The following RANBP2 variants were observed in gnomAD, a reference collection of about 807,000 sequenced individuals.
The protein encoded by RANBP2 is RAN binding protein 2, also known as E3 SUMO-protein ligase RanBP2.
RANBP2 carries 57 observed loss-of-function variants against 303.6 expected under a neutral mutation model. That is an observed-to-expected ratio of 0.19 (90% CI 0.15 to 0.23). RANBP2 has a LOEUF of 0.23. RANBP2 is among the 10% of genes least tolerant of loss of function. RANBP2 has a pLI of 1.00. For synonymous variants in RANBP2, 1,167 were observed against 1,301.5 expected (o/e 0.90, Z 2.23); for missense variants, 3,138 against 3,780.8 (o/e 0.83, Z 4.46).
the RANBP2 span, among the ~76,000 whole-genome samples, chr2:109,092,847 A>G: frequency 6.6e-6 from 1 of 152,168 alleles, no homozygotes; most frequent in Non-Finnish European, 1.5e-5. Context: ...TGTGCTAAGA[A>G]TTTGTCTTTC....
At chr2:109,059,909 G>A in the RANBP2 span, among the ~76,000 whole-genome samples, 212 of 152,262 alleles carry the variant, frequency 1.4e-3, 1 homozygote, top group African/African-American at 4.3e-3. Context: ...TGCCTCACAG[G>A]CCTGAGTGTG....
chr2:108,794,922 G>A, the RANBP2 span, among the ~76,000 whole-genome samples: 121 of 152,142 alleles, frequency 8.0e-4, no homozygotes, highest in African/African-American at 2.7e-3. Flanking sequence ...AGACAGTGGC[G>A]TTTTTATTTG....
In RANBP2 at chr2:108,772,560, C is replaced by A; in HGVS notation, c.8092C>A (p.Pro2698Thr). The A allele has an allele frequency of 2.5e-6, 4 of 1,613,588 alleles. No individual in the cohort carries two copies. Among genetic ancestry groups the A allele is most frequent in the East Asian group, 2.2e-5 (1 of 44,806 alleles). Residue 2698 changes from proline (P) to threonine (T), a missense_variant, in exon 22 of 29, where the codon CCC becomes ACC. Pro to Thr is a conservative substitution (Grantham distance 38). Coordinates refer to ENST00000283195, the MANE Select transcript of RANBP2 (RefSeq NM_006267.5). ...TTTGGATGGCTCAGAAAAATGTAGA[C>A]CCTTGGAAGAAAATACAGCAGGTAT... is the stretch of plus-strand genomic sequence containing the variant. ...LYLDGSEKCR[P>T]LEENTADNEK... is the part of the protein sequence containing the mutation.
the RANBP2 span, among the ~76,000 whole-genome samples, chr2:109,140,495 C>T: frequency 7.2e-5 from 11 of 152,078 alleles, no homozygotes; most frequent in Admixed American, 2.0e-4. Context: ...ATTCTCCTGT[C>T]TCAGCCTCCC....
rs201669692 is a variant in RANBP2, at chr2:108,782,882, T to C, written c.9369+20T>C. The C allele has an allele frequency of 2.0e-5, 32 of 1,588,884 alleles. No homozygotes were observed. The highest frequency in any genetic ancestry group is 2.0e-4 in the Admixed American group (12 of 59,978). On this transcript the variant is annotated intron_variant, in intron 28 of 28. Coordinates refer to ENST00000283195, the MANE Select transcript of RANBP2 (RefSeq NM_006267.5). ...TGCCAAGTAGGTATTATTAAGTACA[T>C]ACCACAATTGAGGTCTTGAAGAGTG...
chr2:109,733,700 C>T, the RANBP2 span, among the ~76,000 whole-genome samples: 43 of 151,612 alleles, frequency 2.8e-4, no homozygotes, highest in East Asian at 7.2e-3. Context: ...AAAAAATACA[C>T]GAAAAAACAA....
chr2:109,170,543 A>T, the RANBP2 span, among the ~76,000 whole-genome samples: 1 of 151,828 alleles, frequency 6.6e-6, no homozygotes, highest in Non-Finnish European at 1.5e-5. Flanking sequence ...ATGGGGTTTC[A>T]CTATGTTGGC....
At chr2:109,543,952 T>C in the RANBP2 span, 4 of 568,734 alleles carry the variant, frequency 7.0e-6, no homozygotes, top group African/African-American at 5.7e-5. Context: ...AAGTAATTTA[T>C]ACAAAAATTT....
chr2:108,908,536 C>T, the RANBP2 span, among the ~76,000 whole-genome samples: 9 of 152,052 alleles, frequency 5.9e-5, no homozygotes, highest in South Asian at 1.5e-3. Flanking sequence ...AGGGGGGTGA[C>T]CTGGCTGACC....
chr2:109,116,541 T>C, the RANBP2 span, among the ~76,000 whole-genome samples: 6 of 152,234 alleles, frequency 3.9e-5, no homozygotes, highest in Non-Finnish European at 7.3e-5. Flanking sequence ...TCTAAATTTT[T>C]TTCAAAGTTT....
the RANBP2 span, among the ~76,000 whole-genome samples, chr2:109,030,466 C>T: frequency 1.3e-5 from 2 of 152,144 alleles, no homozygotes; most frequent in Non-Finnish European, 2.9e-5. Context: ...ATAGTAGCAC[C>T]TAGCACAGTG....
Position 108,758,492 on chromosome 2 carries a change from A to G in RANBP2, c.2546A>G (p.Asp849Gly), listed in dbSNP as rs1182742287. The G allele has an allele frequency of 1.9e-6, 3 of 1,611,308 alleles. No homozygotes were observed. The highest frequency in any genetic ancestry group is 1.1e-5 in the South Asian group (1 of 90,950). ...TGGCCCACAGAGAATTATGGACCAG[A>G]CTCAGTGCCTGATGGATATCAGGGG... Reference protein sequence around the residue: ...HRWPTENYGPDSVPDGYQGSQ... With the variant: ...HRWPTENYGPGSVPDGYQGSQ... The change falls in exon 18 of 29, where the codon GAC becomes GGC. Residue 849 changes from aspartate (D) to glycine (G), a missense_variant. By Grantham distance (94) the Asp-to-Gly change is moderately conservative. Transcript: ENST00000283195.
chr2:109,165,686 C>T, the RANBP2 span, among the ~76,000 whole-genome samples: 2 of 152,216 alleles, frequency 1.3e-5, no homozygotes, highest in Admixed American at 1.3e-4. Context: ...TAGCAGGTCC[C>T]CCATGGCCTG....
chr2:109,333,993 G>C, the RANBP2 span, among the ~76,000 whole-genome samples: 1 of 152,134 alleles, frequency 6.6e-6, no homozygotes, highest in Non-Finnish European at 1.5e-5. Context: ...AATTTTTAAG[G>C]AAGTGGGCAG....
At chr2:109,240,466 C>T in the RANBP2 span, among the ~76,000 whole-genome samples, 6 of 151,956 alleles carry the variant, frequency 3.9e-5, no homozygotes, top group Admixed American at 6.6e-5. Context: ...CCAGCCTGGG[C>T]GACAAACAAA....
At chr2:109,110,920 C>T in the RANBP2 span, among the ~76,000 whole-genome samples, 4 of 152,134 alleles carry the variant, frequency 2.6e-5, no homozygotes, top group African/African-American at 4.8e-5. Flanking sequence ...AGCAGCAGAA[C>T]GGGGGTGTGA....
the RANBP2 span, among the ~76,000 whole-genome samples, chr2:109,202,493 T>G: frequency 6.6e-6 from 1 of 152,236 alleles, no homozygotes; most frequent in Admixed American, 6.5e-5. Context: ...GGCGCGTTCT[T>G]GTTCCTCACA....
the RANBP2 span, among the ~76,000 whole-genome samples, chr2:109,648,657 T>TG: frequency 6.7e-6 from 1 of 149,640 alleles, no homozygotes; most frequent in South Asian, 2.1e-4. Flanking sequence ...TACATCTTTT[T>TG]TTTTTTTTTT....
chr2:109,123,637 T>C, the RANBP2 span, among the ~76,000 whole-genome samples: 1 of 152,182 alleles, frequency 6.6e-6, no homozygotes, highest in Non-Finnish European at 1.5e-5. Flanking sequence ...CAATGTGACA[T>C]TGGATTGGTT....
Sources: gnomAD v4.1 joint callset for allele counts (sites outside exome capture counted in the v4.1 genomes callset) on GRCh38, gnomAD v4.1.1 for gene constraint, MANE v1.5 for transcripts, NCBI Gene and HGNC (gene_info 2026-07-23, HGNC 2026-07-21) for gene names.